The following LRP1B variants were observed in gnomAD, a reference collection of about 807,000 sequenced individuals.
LRP1B encodes the protein LDL receptor related protein 1B.
Under a neutral mutation model 556.6 loss-of-function variants are expected in LRP1B, and 217 were observed. The observed-to-expected ratio is 0.39, with a 90% CI of 0.35 to 0.44. The LOEUF (loss-of-function observed/expected upper bound fraction) is 0.44, where lower values mean the gene tolerates loss of function less well. Ranked by LOEUF, LRP1B falls within the 20% of genes least tolerant of loss-of-function variation. The pLI is 1.00. For synonymous variants in LRP1B, 2,047 were observed against 1,865.8 expected (o/e 1.10, Z -2.50); for missense variants, 5,053 against 5,620.8 (o/e 0.90, Z 3.23).
chr2:140,890,219 C>T (rs541743754), intron 23 of LRP1B, among the ~76,000 whole-genome samples: 2 of 152,034 alleles, frequency 1.3e-5, no homozygotes, highest in South Asian at 4.2e-4. Flanking sequence ...ACAGATACAC[C>T]AGGCTCTCAA....
intron 3 of LRP1B, among the ~76,000 whole-genome samples, chr2:141,466,323 GA>G (rs1682198512): frequency 6.6e-6 from 1 of 152,142 alleles, no homozygotes; most frequent in Non-Finnish European, 1.5e-5. Flanking sequence ...TCCTCTCATA[GA>G]GTTTATCAAG....
In LRP1B at chr2:141,043,151, C is replaced by T. The variant is rs1467889655; in HGVS notation, c.1789+5835G>A. ...GCAGGAGGAGGAGGATGCAGTGAGT[C>T]GTGATCACACCACTGCACTCCAGCC... On this transcript the variant is annotated intron_variant, in intron 11 of 90. Coordinates refer to ENST00000389484, the MANE Select transcript of LRP1B (RefSeq NM_018557.3). Among the ~76,000 whole-genome samples, 30 of 149,952 alleles carry T rather than the reference C, an allele frequency of 2.0e-4. 1 individual carries two copies. Among genetic ancestry groups the T allele is most frequent in the Non-Finnish European group, 1.5e-5 (1 of 67,528 alleles).
At chr2:141,912,561 G>C (rs1051890051) in intron 1 of LRP1B, among the ~76,000 whole-genome samples, 5 of 152,146 alleles carry the variant, frequency 3.3e-5, no homozygotes, top group African/African-American at 1.2e-4. Flanking sequence ...AAACTCAGGC[G>C]ATGTGGGGAG....
At chr2:141,825,342 C>T (rs957481478) in intron 1 of LRP1B, among the ~76,000 whole-genome samples, 2 of 152,066 alleles carry the variant, frequency 1.3e-5, no homozygotes, top group African/African-American at 4.8e-5. Context: ...GTACTAGAGG[C>T]CCACCCTTTA....
At chr2:141,629,422 T>C (rs1370324) in intron 2 of LRP1B, among the ~76,000 whole-genome samples, 39,570 of 152,116 alleles carry the variant, frequency 0.26, 5,522 homozygotes, top group East Asian at 0.52. Context: ...ATGAGCTGTT[T>C]GGTTGTCTCA....
intron 6 of LRP1B, among the ~76,000 whole-genome samples, chr2:141,207,055 T>C (rs917046732): frequency 1.3e-5 from 2 of 152,196 alleles, no homozygotes; most frequent in African/African-American, 4.8e-5. Context: ...GTTCTTGATT[T>C]AAGCACAATT....
At chr2:141,740,692 C>G (rs983428981) in intron 2 of LRP1B, among the ~76,000 whole-genome samples, 1 of 152,140 alleles carries the variant, frequency 6.6e-6, no homozygotes, top group Non-Finnish European at 1.5e-5. Context: ...TTCATTCTTT[C>G]TAGCAATTGC....
At chr2:141,142,138 CT>C (rs1449640373) in intron 7 of LRP1B, among the ~76,000 whole-genome samples, 1 of 152,018 alleles carries the variant, frequency 6.6e-6, no homozygotes, top group African/African-American at 2.4e-5. Context: ...TTCCAAACTC[CT>C]TTAACTGCCA....
chr2:141,505,085 T>A (rs931477776), intron 2 of LRP1B, among the ~76,000 whole-genome samples: 2 of 147,500 alleles, frequency 1.4e-5, no homozygotes, highest in Admixed American at 1.3e-4. Context: ...GAAGAATAAA[T>A]CCCTCCTCTC....
intron 2 of LRP1B, among the ~76,000 whole-genome samples, chr2:141,796,578 C>CTT (rs75317117): frequency 0.19 from 23,998 of 127,218 alleles, 2,484 homozygotes; most frequent in East Asian, 0.35. Context: ...GCATTTTATT[C>CTT]TTTTTTTTTT....
chr2:141,239,683 G>C (rs1683790101), intron 5 of LRP1B, among the ~76,000 whole-genome samples: 1 of 152,124 alleles, frequency 6.6e-6, no homozygotes, highest in Non-Finnish European at 1.5e-5. Flanking sequence ...GATTCAAATA[G>C]ACTAGTAGAG....
At position 140,932,886 on chromosome 2, in the gene LRP1B, T is replaced by TAC. The variant is rs373649277; in HGVS notation, c.3137-9741_3137-9740dup. ...GTGAGACACTCTCTCTCTCTCCCTA[T>TAC]ACACACACACACACACACACACACA... is the stretch of plus-strand genomic sequence containing the variant. On this transcript the variant is annotated intron_variant, in intron 20 of 90. Transcript: ENST00000389484. 3.4e-3 allele frequency among the ~76,000 whole-genome samples: 435 copies of TAC among 127,556 alleles called. 4 individuals are homozygous for TAC. Among genetic ancestry groups the TAC allele is most frequent in the Middle Eastern group, 8.2e-3 (2 of 244 alleles). The allele number at this position is 127,556 out of a possible 152,430, so 83.7% of individuals were successfully genotyped here.
rs534440017 is a variant in LRP1B, at chr2:141,928,753, A to G, written c.83-118352T>C. Reference sequence around the variant, plus strand: ...AGAATTTATGTCTTGAAATAGAATCAAAAGTACAACTCAAAGACTGGAGCA... The same window carrying G: ...AGAATTTATGTCTTGAAATAGAATCGAAAGTACAACTCAAAGACTGGAGCA... On this transcript the variant is annotated intron_variant, in intron 1 of 90. Transcript: ENST00000389484. Among the ~76,000 whole-genome samples the G allele has an allele frequency of 5.3e-5, 8 of 152,232 alleles. No individual in the cohort carries two copies. The South Asian group carries it at 1.7e-3, about 32-fold the overall frequency.
chr2:141,850,550 T>C (rs1697812635), intron 1 of LRP1B, among the ~76,000 whole-genome samples: 1 of 150,888 alleles, frequency 6.6e-6, no homozygotes, highest in East Asian at 2.0e-4. Context: ...CATTCCTATA[T>C]ATATATATGT....
At chr2:140,427,791 T>A (rs1164847107) in intron 66 of LRP1B, among the ~76,000 whole-genome samples, 3 of 151,840 alleles carry the variant, frequency 2.0e-5, no homozygotes, top group African/African-American at 7.2e-5. Flanking sequence ...GACCCATCTG[T>A]CCTCTCCCCT....
chr2:141,186,592 A>G (rs917424377), intron 7 of LRP1B, among the ~76,000 whole-genome samples: 2 of 152,080 alleles, frequency 1.3e-5, no homozygotes, highest in Admixed American at 1.3e-4. Flanking sequence ...TAGAGACAGA[A>G]CTAACTCAAA....
At chr2:142,047,836 C>A (rs952026218) in intron 1 of LRP1B, among the ~76,000 whole-genome samples, 1 of 151,934 alleles carries the variant, frequency 6.6e-6, no homozygotes, top group African/African-American at 2.4e-5. Context: ...AAAGGTAGAA[C>A]CAATAGAAGC....
chr2:141,263,883 C>T (rs1428997931), intron 3 of LRP1B, among the ~76,000 whole-genome samples: 1 of 152,060 alleles, frequency 6.6e-6, no homozygotes, highest in African/African-American at 2.4e-5. Flanking sequence ...GAAAAAAACC[C>T]TATCATTTCA....
intron 2 of LRP1B, among the ~76,000 whole-genome samples, chr2:141,528,056 T>C (rs1399319659): frequency 6.6e-6 from 1 of 151,880 alleles, no homozygotes; most frequent in Non-Finnish European, 1.5e-5. Context: ...TGGCCTCTGA[T>C]ATTTGACTCT....
Sources: allele counts gnomAD v4.1 joint callset (sites outside exome capture counted in the v4.1 genomes callset), GRCh38; gene constraint gnomAD v4.1.1; transcripts MANE v1.5; gene names NCBI Gene and HGNC (gene_info 2026-07-23, HGNC 2026-07-21).